PATJ: variants seen among roughly 807,000 people sequenced by gnomAD.
PATJ encodes the protein PATJ crumbs cell polarity complex component, also known as inaD-like protein.
A neutral mutation model predicts 224.9 loss-of-function variants in PATJ; 190 were observed. The observed-to-expected ratio is 0.84, with a 90% CI of 0.75 to 0.95. The LOEUF is 0.95. PATJ is among the 40% of genes least tolerant of loss of function. The pLI is 0.00. For missense variants in PATJ, 2,121 were observed against 2,270.3 expected, an observed-to-expected ratio of 0.93 and a Z score of 1.34; for synonymous variants, 769 against 820.3, an observed-to-expected ratio of 0.94 and a Z score of 1.07.
chr1:62,048,041 C>T (rs929918834), intron 30 of PATJ, among the ~76,000 whole-genome samples: 4 of 152,174 alleles, frequency 2.6e-5, no homozygotes, highest in Non-Finnish European at 5.9e-5. Flanking sequence ...ATGGCCCTTT[C>T]CCAGCTTTGA....
Position 61,966,344 on chromosome 1 carries a change from A to C in PATJ, c.3671-23824A>C, listed in dbSNP as rs148833151. 5.4e-3 allele frequency among the ~76,000 whole-genome samples: 820 copies of C among 152,290 alleles called. 10 individuals are homozygous for C. The highest frequency in any genetic ancestry group is 0.02 in the South Asian group (95 of 4,820). The stretch of plus-strand genomic sequence containing the variant: ...GAAAGGGGTTAGGATCCAGACCCCA[A>C]GGGAGGGTTCTTGGATCTCGCGCCA... On this transcript the variant is annotated intron_variant, in intron 27 of 43. Transcript: ENST00000642238.
intron 14 of PATJ, among the ~76,000 whole-genome samples, chr1:61,817,499 A>G (rs1342348927): frequency 6.6e-6 from 1 of 152,126 alleles, no homozygotes; most frequent in Non-Finnish European, 1.5e-5. Flanking sequence ...CCCCATCTCT[A>G]CTAAAAATAC....
chr1:61,743,255 T>G (rs1398944584), intron 1 of PATJ, among the ~76,000 whole-genome samples: 1 of 152,232 alleles, frequency 6.6e-6, no homozygotes, highest in Non-Finnish European at 1.5e-5. Flanking sequence ...CCTGGACTCC[T>G]GCTTTTAAAT....
chr1:61,796,982 T>TC (rs1436907171), intron 10 of PATJ, among the ~76,000 whole-genome samples: 1 of 152,178 alleles, frequency 6.6e-6, no homozygotes, highest in Non-Finnish European at 1.5e-5. Context: ...TTCTCCTGCC[T>TC]CAGCCTCCCG....
intron 6 of PATJ, among the ~76,000 whole-genome samples, chr1:61,773,279 C>T (rs1646721936): frequency 6.6e-6 from 1 of 152,018 alleles, no homozygotes; most frequent in African/African-American, 2.4e-5. Flanking sequence ...ACCTCGGCTT[C>T]CAAAAGTACT....
intron 1 of PATJ, among the ~76,000 whole-genome samples, chr1:61,747,171 T>G (rs574867426): frequency 1.3e-5 from 2 of 151,954 alleles, no homozygotes; most frequent in Admixed American, 1.3e-4. Context: ...TACCTTGGTA[T>G]TTGCATGACC....
At chr1:62,056,882 C>T (rs1221447945) in intron 31 of PATJ, among the ~76,000 whole-genome samples, 7 of 152,086 alleles carry the variant, frequency 4.6e-5, no homozygotes, top group Admixed American at 2.0e-4. Flanking sequence ...AGTGCAGTGG[C>T]GCTTTCTCAG....
chr1:61,864,297 G>T lies in PATJ; in HGVS notation c.2499G>T (p.Leu833=). The change falls in exon 20 of 44, where the codon CTG becomes CTT. Residue 833 remains leucine (L), a synonymous_variant. Coordinates refer to ENST00000642238, the MANE Select transcript of PATJ (RefSeq NM_001350145.3). Reference sequence around the variant, plus strand: ...TTGTGGATGAACCATTTCTAGATCTGGGAAAGTCTTTCCATTCCCAACAAA... The same window carrying T: ...TTGTGGATGAACCATTTCTAGATCTTGGAAAGTCTTTCCATTCCCAACAAA... ...EELVDEPFLD[L]GKSFHSQQKE... is the part of the protein sequence containing the mutation. The T allele has an allele frequency of 6.2e-7, 1 of 1,613,654 alleles. No homozygotes were observed. The highest frequency in any genetic ancestry group is 8.5e-7 in the Non-Finnish European group (1 of 1,179,634).
At chr1:61,941,936 A>G (rs1181346801) in intron 27 of PATJ, among the ~76,000 whole-genome samples, 5 of 152,228 alleles carry the variant, frequency 3.3e-5, no homozygotes, top group Non-Finnish European at 5.9e-5. Flanking sequence ...TCCAAATGTC[A>G]GTCTTGTTTG....
chr1:62,044,039 GAAAT>G (rs1652041599), intron 30 of PATJ, among the ~76,000 whole-genome samples: 1 of 152,218 alleles, frequency 6.6e-6, no homozygotes, highest in African/African-American at 2.4e-5. Context: ...ATGATGTTTT[GAAAT>G]ATGTGTATGT....
At chr1:61,976,396 G>GT (rs886973387) in intron 27 of PATJ, among the ~76,000 whole-genome samples, 1 of 151,714 alleles carries the variant, frequency 6.6e-6, no homozygotes, top group Non-Finnish European at 1.5e-5. Flanking sequence ...GTTGTGAGGG[G>GT]TTTTTTTGTT....
At position 62,161,575 on chromosome 1, in the gene PATJ, G is replaced by A. The variant is rs972374960; in HGVS notation, c.*521G>A. The A allele has an allele frequency of 1.3e-5, 2 of 152,330 alleles. No homozygotes were observed. Among genetic ancestry groups the A allele is most frequent in the African/African-American group, 4.8e-5 (2 of 41,416 alleles). 9.4% of individuals were successfully genotyped at this position (152,330 alleles called of 1,614,324 possible). A position where few individuals can be genotyped will look rare whatever the true frequency, so the allele number is the denominator to read the frequency against. On this transcript the variant is annotated 3_prime_UTR_variant, in exon 44 of 44. Transcript: ENST00000642238. ...GCTGGTCTTGAACTTCTGACCTCAG[G>A]TGATCTGCCTGCCTTGGCCTCCCAA...
intron 33 of PATJ, among the ~76,000 whole-genome samples, chr1:62,102,194 TAAATAAATAA>T (rs1409378515): frequency 4.2e-4 from 63 of 151,530 alleles, no homozygotes; most frequent in African/African-American, 1.4e-3. Context: ...AATAAATAAA[TAAATAAATAA>T]ATAAATAAAA....
intron 11 of PATJ, among the ~76,000 whole-genome samples, chr1:61,798,507 G>A (rs1229231993): frequency 2.6e-5 from 4 of 152,124 alleles, no homozygotes; most frequent in African/African-American, 9.7e-5. Flanking sequence ...CTGCATGTCA[G>A]TTTTTAATTA....
chr1:62,023,177 G>C (rs962918921), intron 29 of PATJ, among the ~76,000 whole-genome samples: 8 of 151,716 alleles, frequency 5.3e-5, no homozygotes, highest in Non-Finnish European at 1.0e-4. Flanking sequence ...GTAATCCCAG[G>C]TACTTGGGAG....
chr1:62,067,123 C>CTTTTTTTTTTTTTTTTTTTTTTTTT (rs11381578), intron 31 of PATJ, among the ~76,000 whole-genome samples: 17 of 116,452 alleles, frequency 1.5e-4, no homozygotes, highest in Non-Finnish European at 2.1e-4. Context: ...CCTATTCTTT[C>CTTTTTTTTTTTTTTTTTTTTTTTTT]TTTTTTTTTT....
chr1:61,929,062 A>C (rs72676271), intron 27 of PATJ, among the ~76,000 whole-genome samples: 18,976 of 152,228 alleles, frequency 0.12, 1,634 homozygotes, highest in Middle Eastern at 0.21. Flanking sequence ...AAGTGTGATA[A>C]GTGTACTGTG....
chr1:61,987,940 T>C (rs1222627399), intron 27 of PATJ, among the ~76,000 whole-genome samples: 1 of 152,214 alleles, frequency 6.6e-6, no homozygotes, highest in African/African-American at 2.4e-5. Flanking sequence ...GGCTCACACC[T>C]GTAATCCCAG....
chr1:62,067,464 C>T (rs1300386143), intron 31 of PATJ, among the ~76,000 whole-genome samples: 1 of 152,042 alleles, frequency 6.6e-6, no homozygotes, highest in African/African-American at 2.4e-5. Context: ...ATTACTCTTA[C>T]AAAAGGAGCT....
Sources: allele counts gnomAD v4.1 joint callset (sites outside exome capture counted in the v4.1 genomes callset), GRCh38; gene constraint gnomAD v4.1.1; transcripts MANE v1.5; gene names NCBI Gene and HGNC (gene_info 2026-07-23, HGNC 2026-07-21).